Variants in ARHGAP29 observed in about 807,000 individuals in gnomAD.
The protein encoded by ARHGAP29 is rho GTPase-activating protein 29.
Under a neutral mutation model 122.6 loss-of-function variants are expected in ARHGAP29, and 43 were observed. The ratio of observed to expected loss-of-function variants is 0.35; its 90% CI spans 0.27 to 0.45. ARHGAP29 has a LOEUF of 0.45. ARHGAP29 is among the 20% of genes least tolerant of loss of function. The pLI is 1.00. For missense variants in ARHGAP29, 1,303 were observed against 1,477.2 expected, an observed-to-expected ratio of 0.88 and a Z score of 1.93; for synonymous variants, 506 against 497.1, an observed-to-expected ratio of 1.02 and a Z score of -0.24.
the ARHGAP29 span, among the ~76,000 whole-genome samples, chr1:94,308,234 A>G: frequency 6.6e-6 from 1 of 152,304 alleles, no homozygotes; most frequent in East Asian, 1.9e-4. Flanking sequence ...TTATTTTATG[A>G]ACCTCCTCTC....
At chr1:94,253,222 G>A (rs1654172262) in intron 1 of ARHGAP29, among the ~76,000 whole-genome samples, 1 of 152,016 alleles carries the variant, frequency 6.6e-6, no homozygotes, top group Non-Finnish European at 1.5e-5. Flanking sequence ...GCCCATCTCG[G>A]TCCCCCTAAG....
intron 1 of ARHGAP29, among the ~76,000 whole-genome samples, chr1:94,249,164 T>C (rs1467324467): frequency 6.6e-6 from 1 of 152,258 alleles, no homozygotes; most frequent in Non-Finnish European, 1.5e-5. Flanking sequence ...GCATGTGCCC[T>C]GAATCATCTT....
intron 2 of ARHGAP29, among the ~76,000 whole-genome samples, chr1:94,224,890 T>A (rs992349919): frequency 1.3e-5 from 2 of 152,106 alleles, no homozygotes; most frequent in Non-Finnish European, 2.9e-5. Context: ...AAAAATAGCA[T>A]CAGAATTATT....
chr1:94,283,931 T>G, the ARHGAP29 span, among the ~76,000 whole-genome samples: 1 of 152,094 alleles, frequency 6.6e-6, no homozygotes, highest in Non-Finnish European at 1.5e-5. Flanking sequence ...GTGATGCAAT[T>G]AAGTGTGAAA....
the ARHGAP29 span, among the ~76,000 whole-genome samples, chr1:94,297,098 T>C: frequency 2.0e-5 from 3 of 152,030 alleles, no homozygotes; most frequent in Non-Finnish European, 2.9e-5. Flanking sequence ...TGACAGTCTT[T>C]CCAGTGTCAA....
Position 94,182,991 on chromosome 1 carries a change from T to C in ARHGAP29, c.2247+1160A>G, listed in dbSNP as rs1193156047. On this transcript the variant is annotated intron_variant, in intron 19 of 22. Transcript: ENST00000260526. ...TAAGGAGGAGTAAGTTCTGGTGTTT[T>C]ATACCACTGTAAGATGACTGTAGTT... Among the ~76,000 whole-genome samples, 4 of 152,184 alleles carry C rather than the reference T, an allele frequency of 2.6e-5. No individual in the cohort carries two copies. In the South Asian group the frequency reaches 6.2e-4, roughly 24 times the overall value.
At chr1:94,205,233 A>C in intron 6 of ARHGAP29, 35 bp from the exon 7 acceptor site, 1 of 1,497,270 alleles carries the variant, frequency 6.7e-7, no homozygotes, top group Non-Finnish European at 9.0e-7. Context: ...GTATATGTTA[A>C]ATGTGATCAC....
chr1:94,212,614 G>T (rs969181822), intron 3 of ARHGAP29, among the ~76,000 whole-genome samples: 1 of 151,900 alleles, frequency 6.6e-6, no homozygotes, highest in African/African-American at 2.4e-5. Flanking sequence ...ACATGACTGG[G>T]AGATTAAAAA....
chr1:94,222,457 A>C (rs1652358419), intron 2 of ARHGAP29, among the ~76,000 whole-genome samples: 1 of 152,174 alleles, frequency 6.6e-6, no homozygotes, highest in Non-Finnish European at 1.5e-5. Context: ...TGAAAACAAC[A>C]CTTTACATCT....
chr1:94,182,677 C>T (rs931544351), intron 19 of ARHGAP29, among the ~76,000 whole-genome samples: 7 of 152,142 alleles, frequency 4.6e-5, no homozygotes, highest in African/African-American at 7.2e-5. Flanking sequence ...ATATTAGAAC[C>T]GTCCACACTA....
chr1:94,225,671 A>C (rs1652573540), intron 2 of ARHGAP29, among the ~76,000 whole-genome samples: 1 of 152,064 alleles, frequency 6.6e-6, no homozygotes, highest in Non-Finnish European at 1.5e-5. Context: ...AAATTTCTAT[A>C]TCTCTCAAGT....
chr1:94,189,878 T>G (rs1485109622), intron 13 of ARHGAP29, 48 bp downstream of exon 13: 1 of 1,575,576 alleles, frequency 6.3e-7, no homozygotes, highest in Admixed American at 1.7e-5. Flanking sequence ...ACTTAACAAT[T>G]AAGTGTTTTA....
At chr1:94,213,472 G>A (rs1186898509) in intron 3 of ARHGAP29, among the ~76,000 whole-genome samples, 3 of 152,218 alleles carry the variant, frequency 2.0e-5, no homozygotes, top group Admixed American at 6.5e-5. Context: ...GTGAGCCACC[G>A]CACCCGGCCT....
the ARHGAP29 span, among the ~76,000 whole-genome samples, chr1:94,308,747 C>A: frequency 6.6e-6 from 1 of 152,188 alleles, no homozygotes; most frequent in Non-Finnish European, 1.5e-5. Flanking sequence ...CACCTTCTAC[C>A]TTTCACTTCC....
At position 94,260,669 on chromosome 1, in the gene ARHGAP29, GAC is replaced by G. The variant is rs1654525725; in HGVS notation, c.-33+14341_-33+14342del. Among the ~76,000 whole-genome samples the G allele has an allele frequency of 2.0e-5, 3 of 152,144 alleles. No homozygotes were observed. In the South Asian group the frequency reaches 6.2e-4, roughly 32 times the overall value. On this transcript the variant is annotated intron_variant and NMD_transcript_variant, in intron 1 of 25. Transcript: ENST00000552844. Reference sequence around the variant, plus strand: ...TGGTAGTAGGTAGAGAGATTGGAAAGACACACAGAAAAAGAAACCATGTGATA... The same window carrying G: ...TGGTAGTAGGTAGAGAGATTGGAAAGACACAGAAAAAGAAACCATGTGATA...
chr1:94,196,599 T>C (rs1650497624), intron 12 of ARHGAP29, among the ~76,000 whole-genome samples: 1 of 152,192 alleles, frequency 6.6e-6, no homozygotes, highest in African/African-American at 2.4e-5. Context: ...TTCTTTTTAC[T>C]GATTTCTGCT....
chr1:94,209,468 T>C (rs1172107169), intron 3 of ARHGAP29, 118 bp from the exon 4 acceptor site: 16 of 561,774 alleles, frequency 2.8e-5, no homozygotes, highest in Non-Finnish European at 4.4e-5. Flanking sequence ...GATTCAGAAA[T>C]TGAAAAGCCT....
chr1:94,230,407 T>C (rs552271949), intron 2 of ARHGAP29, among the ~76,000 whole-genome samples: 1 of 151,914 alleles, frequency 6.6e-6, no homozygotes, highest in East Asian at 1.9e-4. Context: ...ACTTATGTGA[T>C]TGTTGTTTTA....
chr1:94,205,718 A>G, intron 5 of ARHGAP29, 35 bp from the exon 6 acceptor site: 1 of 1,588,646 alleles, frequency 6.3e-7, no homozygotes, highest in Non-Finnish European at 8.6e-7. Flanking sequence ...TTAAAATTAG[A>G]GAAGAACACA....
Sources: allele counts gnomAD v4.1 joint callset (sites outside exome capture counted in the v4.1 genomes callset), GRCh38; gene constraint gnomAD v4.1.1; transcripts MANE v1.5; gene names NCBI Gene and HGNC (gene_info 2026-07-23, HGNC 2026-07-21).